Variants in LENG8 observed in about 807,000 individuals in gnomAD.
LENG8 encodes leukocyte receptor cluster member 8.
Under a neutral mutation model 102.1 loss-of-function variants are expected in LENG8, and 28 were observed. The ratio of observed to expected loss-of-function variants is 0.27; its 90% CI spans 0.20 to 0.38. LENG8 has a LOEUF of 0.38. Ranked by LOEUF, LENG8 falls within the 10% of genes least tolerant of loss-of-function variation. LENG8 has a pLI of 1.00. For synonymous variants in LENG8, 531 were observed against 456.7 expected (o/e 1.16, Z -2.07); for missense variants, 1,022 against 1,113.9 (o/e 0.92, Z 1.17).
At chr19:54,459,696 G>A in intron 15 of LENG8, 6 of 1,026,242 alleles carry the variant, frequency 5.8e-6, no homozygotes, top group Non-Finnish European at 7.0e-6. Context: ...CTGTCAGCCT[G>A]GAGGTTTGGA....
At chr19:54,454,709 C>G (rs1173124008) in intron 6 of LENG8, 27 bp downstream of exon 6, 12 of 1,567,634 alleles carry the variant, frequency 7.7e-6, no homozygotes, top group Non-Finnish European at 1.0e-5. Flanking sequence ...ACGTGGAGGT[C>G]CGAGCGGTTG....
chr19:54,456,545 C>T (rs2084256815), intron 10 of LENG8, 80 bp downstream of exon 10: 1 of 1,535,992 alleles, frequency 6.5e-7, no homozygotes. Flanking sequence ...AGGAGGAGGG[C>T]CGGACAGGTG....
chr19:54,456,435 G>C lies in LENG8; in HGVS notation c.1415G>C (p.Arg472Pro), dbSNP rs779134980. The C allele has an allele frequency of 2.5e-6, 4 of 1,608,364 alleles. No individual in the cohort carries two copies. The highest frequency in any genetic ancestry group is 2.5e-6 in the Non-Finnish European group (3 of 1,179,674). The change falls in exon 10 of 16, where the codon CGG becomes CCG. Residue 472 changes from arginine (R) to proline (P), a missense_variant. Around this residue, in one of 7 missense-constraint regions of LENG8, gnomAD observed 326 missense variants for 324.5 expected, o/e 1.00. Coordinates refer to ENST00000326764, the MANE Select transcript of LENG8 (RefSeq NM_052925.4). Reference protein sequence around the residue: ...GRGGRGAHMDRGRGRAQRGKR... With the variant: ...GRGGRGAHMDPGRGRAQRGKR... ...GGCGGTCGAGGGGCCCATATGGATCGGGGCCGAGGCAGGGCGCAGCGTGGG... is the reference window on the plus strand; with the variant it reads ...GGCGGTCGAGGGGCCCATATGGATCCGGGCCGAGGCAGGGCGCAGCGTGGG...
intron 15 of LENG8, chr19:54,459,984 C>T (rs1209356629): frequency 1.6e-6 from 2 of 1,234,110 alleles, no homozygotes; most frequent in Non-Finnish European, 2.1e-6. Flanking sequence ...GGGAACATAG[C>T]CATGAGTGCC....
Position 54,456,867 on chromosome 19 carries a change from G to A in LENG8, c.1677G>A (p.Lys559=). The change falls in exon 11 of 16, where the codon AAG becomes AAA. Residue 559 remains lysine, a synonymous_variant. Transcript: ENST00000326764. ...TGGGCACCTGCCCTGACATCACCAA[G>A]CACTACCTGCGCCTCACCTGTGCCC... ...QIVGTCPDIT[K]HYLRLTCAPD... The A allele has an allele frequency of 6.2e-7, 1 of 1,610,654 alleles. No individual in the cohort carries two copies. The highest frequency in any genetic ancestry group is 8.5e-7 in the Non-Finnish European group (1 of 1,179,874).
intron 15 of LENG8, chr19:54,459,303 G>T (rs1274428639): frequency 4.0e-6 from 4 of 1,011,700 alleles, no homozygotes; most frequent in East Asian, 1.9e-4. Context: ...GAGAAATTCT[G>T]GTCGAAGAGG....
At chr19:54,459,107 T>C in intron 15 of LENG8, 1 of 1,372,308 alleles carries the variant, frequency 7.3e-7, no homozygotes, top group Non-Finnish European at 9.4e-7. Context: ...TGGGGATGAG[T>C]TGCTTGACTC....
chr19:54,449,803 C>T (rs1559192), intron 1 of LENG8: 53,526 of 152,198 alleles, frequency 0.35, 10,189 homozygotes, highest in East Asian at 0.62. Flanking sequence ...GAGACCCGTC[C>T]GGGAGTCCTC....
At position 54,458,323 on chromosome 19, in the gene LENG8, C is replaced by T. The variant is rs769724812; in HGVS notation, c.2042C>T (p.Thr681Met). 2.7e-5 allele frequency: 43 copies of T among 1,613,624 alleles called. No individual in the cohort carries two copies. The highest frequency in any genetic ancestry group is 6.7e-5 in the Admixed American group (4 of 60,030). Reference sequence around the variant, plus strand: ...TTTGTCTTGGTGCTAGACATCACCACGGAGCTGGCATACCTCACACGAGAA... The same window carrying T: ...TTTGTCTTGGTGCTAGACATCACCATGGAGCTGGCATACCTCACACGAGAA... ...IFTKNSGDIT[T>M]ELAYLTRELK... The change falls in exon 15 of 16, where the codon ACG becomes ATG. Residue 681 changes from threonine to methionine, a missense_variant. Physicochemically the swap from Thr to Met is moderately conservative, Grantham distance 81. Transcript: ENST00000326764.
At chr19:54,457,523 T>C (rs1291498600) in intron 11 of LENG8, among the ~76,000 whole-genome samples, 1 of 152,058 alleles carries the variant, frequency 6.6e-6, no homozygotes, top group Admixed American at 6.6e-5. Context: ...GTATTTTTAG[T>C]AGAGACGGGG....
chr19:54,461,269 C>G lies in LENG8; in HGVS notation c.*341C>G, dbSNP rs959534064. 1 of 495,524 alleles carries G rather than the reference C, an allele frequency of 2.0e-6. No homozygotes were observed. The highest frequency in any genetic ancestry group is 5.1e-5 in the East Asian group (1 of 19,530). 30.7% of individuals were successfully genotyped at this position (495,524 alleles called of 1,614,324 possible). A position where few individuals can be genotyped will look rare whatever the true frequency, so the allele number is the denominator to read the frequency against. On this transcript the variant is annotated 3_prime_UTR_variant, in exon 16 of 16. Coordinates refer to ENST00000326764, the MANE Select transcript of LENG8 (RefSeq NM_052925.4). ...TTCGAGCTTGCACTCCGGTACCCGACCCGGCGCCCTGGCCCATCCCATGCC... is the reference window on the plus strand; with the variant it reads ...TTCGAGCTTGCACTCCGGTACCCGAGCCGGCGCCCTGGCCCATCCCATGCC...
intron 1 of LENG8, among the ~76,000 whole-genome samples, 157 bp from the exon 2 acceptor site, chr19:54,451,131 CCA>C (rs1340081569): frequency 6.6e-6 from 1 of 152,158 alleles, no homozygotes; most frequent in Non-Finnish European, 1.5e-5. Flanking sequence ...CCTTTCTAGT[CCA>C]CACCCAGAAC....
Position 54,458,161 on chromosome 19 carries a change from A to C in LENG8, c.1961A>C (p.Asn654Thr). The change falls in exon 14 of 16, where the codon AAC becomes ACC. Residue 654 changes from asparagine to threonine, a missense_variant. Asn to Thr is a moderately conservative substitution (Grantham distance 65). This residue lies in a region of LENG8 where 158 missense variants were observed against 229.0 expected (regional missense o/e 0.69). Transcript: ENST00000326764. ...QTQLKSLYAE[N>T]LPGNVGEFTA... is the part of the protein sequence containing the mutation. ...CAGCTCAAGTCGCTGTACGCCGAGA[A>C]CTTGCCTGGCAATGTGGGCGAGTTT... The C allele has an allele frequency of 6.2e-7, 1 of 1,614,180 alleles. No individual in the cohort carries two copies. The highest frequency in any genetic ancestry group is 8.5e-7 in the Non-Finnish European group (1 of 1,180,038).
At chr19:54,460,717 C>CGGGGCG in intron 15 of LENG8, 49 bp from the exon 16 acceptor site, 1 of 1,360,252 alleles carries the variant, frequency 7.4e-7, no homozygotes, top group Non-Finnish European at 9.6e-7. Context: ...GGGCCCTCCC[C>CGGGGCG]TGCCCTCCCG....
At position 54,461,661 on chromosome 19, in the gene LENG8, TC is replaced by T; in HGVS notation, c.*736del. 1 of 479,198 alleles carries T rather than the reference TC, an allele frequency of 2.1e-6. No individual in the cohort carries two copies. Among genetic ancestry groups the T allele is most frequent in the Admixed American group, 2.3e-5 (1 of 42,774 alleles). 29.7% of individuals were successfully genotyped at this position (479,198 alleles called of 1,614,324 possible). ...TTCCCTCCCTCCCTCTCCGCATTCT[TC>T]CCTTGGTTCAGCACAGGTAAAACGG... On this transcript the variant is annotated 3_prime_UTR_variant, in exon 16 of 16. Transcript: ENST00000326764.
At position 54,461,078 on chromosome 19, in the gene LENG8, C is replaced by T. The variant is rs1055477268; in HGVS notation, c.*150C>T. On this transcript the variant is annotated 3_prime_UTR_variant, in exon 16 of 16. Transcript: ENST00000326764. The stretch of plus-strand genomic sequence containing the variant: ...ACCATCCCTGCCCCCGTTTTCCCAC[C>T]GGGGAGTCTGTACAGAGATTTTTCT... 4.6e-5 allele frequency: 54 copies of T among 1,172,374 alleles called. No individual in the cohort carries two copies. The highest frequency in any genetic ancestry group is 5.8e-5 in the Non-Finnish European group (48 of 825,706). 72.6% of individuals were successfully genotyped at this position (1,172,374 alleles called of 1,614,324 possible).
chr19:54,457,960 G>A lies in LENG8; in HGVS notation c.1860G>A (p.Thr620=), dbSNP rs371311686. Residue 620 remains threonine (T), a synonymous_variant, in exon 13 of 16, where the codon ACG becomes ACA. Transcript: ENST00000326764. ...LTVQGIRTEF[T]VEVYETHARI... ...TGCAGGGCATCCGCACCGAGTTCAC[G>A]GTGGAGGTGTACGAGACCCATGCCC... 5.0e-6 allele frequency: 8 copies of A among 1,613,762 alleles called. No individual in the cohort carries two copies. In the African/African-American group the frequency reaches 9.3e-5, roughly 19 times the overall value.
At chr19:54,459,648 A>G (rs530489224) in intron 15 of LENG8, 135 of 997,300 alleles carry the variant, frequency 1.4e-4, no homozygotes, top group South Asian at 1.2e-3. Context: ...CCTCCGTGTG[A>G]GGTCATGGTC....
intron 5 of LENG8, 25 bp from the exon 6 acceptor site, chr19:54,454,405 G>C (rs1188454741): frequency 6.3e-7 from 1 of 1,575,972 alleles, no homozygotes; most frequent in Non-Finnish European, 8.6e-7. Context: ...TGCCTCCCGT[G>C]CTCAGCGCCT....
Sources: gnomAD v4.1 joint callset for allele counts (sites outside exome capture counted in the v4.1 genomes callset) on GRCh38, gnomAD v4.1.1 for gene constraint, gnomAD v4.1.1 regional missense constraint, MANE v1.5 for transcripts, NCBI Gene and HGNC (gene_info 2026-07-23, HGNC 2026-07-21) for gene names.